Variants in SUFU observed in about 807,000 individuals in gnomAD.
The protein encoded by SUFU is suppressor of fused homolog.
A neutral mutation model predicts 58.9 loss-of-function variants in SUFU; 7 were observed. The observed-to-expected ratio is 0.12, with a 90% CI of 0.07 to 0.22. The LOEUF is 0.22. SUFU is among the 10% of genes least tolerant of loss of function. The pLI, the probability that SUFU is intolerant of heterozygous loss-of-function variation, is 1.00. For synonymous variants in SUFU, 232 were observed against 254.8 expected (o/e 0.91, Z 0.85); for missense variants, 451 against 641.3 (o/e 0.70, Z 3.20).
intron 8 of SUFU, among the ~76,000 whole-genome samples, chr10:102,608,552 G>A (rs2063586781): frequency 6.6e-6 from 1 of 152,176 alleles, no homozygotes; most frequent in African/African-American, 2.4e-5. Context: ...CCTGAAAAGT[G>A]TCTGTCTCAG....
intron 8 of SUFU, among the ~76,000 whole-genome samples, chr10:102,605,790 A>C (rs1380831470): frequency 6.6e-6 from 1 of 152,178 alleles, no homozygotes; most frequent in Non-Finnish European, 1.5e-5. Context: ...CTCCCAGGCA[A>C]GGGGCAGAAG....
At chr10:102,562,029 C>T (rs976371367) in intron 3 of SUFU, among the ~76,000 whole-genome samples, 5 of 152,164 alleles carry the variant, frequency 3.3e-5, no homozygotes, top group Admixed American at 3.3e-4. Context: ...CATCATGCTT[C>T]CTGTCTCTGA....
chr10:102,583,250 A>G (rs1399300957), intron 3 of SUFU, among the ~76,000 whole-genome samples: 1 of 152,216 alleles, frequency 6.6e-6, no homozygotes, highest in Admixed American at 6.5e-5. Context: ...AGAAGAGCTC[A>G]TAAGTCTAGT....
intron 3 of SUFU, among the ~76,000 whole-genome samples, chr10:102,563,240 G>A (rs992997934): frequency 6.6e-6 from 1 of 152,154 alleles, no homozygotes; most frequent in Admixed American, 6.5e-5. Context: ...CAAATGCTAG[G>A]TAAGCTGTGT....
rs7904134 is a variant in SUFU at position 102,539,881 on chromosome 10, T to C, written c.318-10089T>C. 5.1e-3 allele frequency among the ~76,000 whole-genome samples: 783 copies of C among 152,356 alleles called. 8 individuals carry two copies. The highest frequency in any genetic ancestry group is 0.017 in the African/African-American group (711 of 41,586). On this transcript the variant is annotated intron_variant, in intron 2 of 11. Coordinates refer to ENST00000369902, the MANE Select transcript of SUFU (RefSeq NM_016169.4). ...TCATGCGATTACAGATGCTGGCAAGTCCAAAATCTTTAGAGCCAGTGTCAC... is the reference window on the plus strand; with the variant it reads ...TCATGCGATTACAGATGCTGGCAAGCCCAAAATCTTTAGAGCCAGTGTCAC...
At chr10:102,607,695 C>T (rs930915119) in intron 8 of SUFU, among the ~76,000 whole-genome samples, 1 of 152,168 alleles carries the variant, frequency 6.6e-6, no homozygotes, top group African/African-American at 2.4e-5. Context: ...GTGCAGATCA[C>T]TTGAGGTCAG....
Position 102,629,962 on chromosome 10 carries a change from C to T in SUFU, c.1366-104C>T, listed in dbSNP as rs1290242502. On this transcript the variant is annotated intron_variant, in intron 11 of 11. Transcript: ENST00000369902. This position sits in a 1 kb window ranked among gnomAD's most constrained non-coding sequence, Gnocchi z 4.7. ...TGAAGCCACGCCTCCCGCGGCCTGTCCTATCCCTAGCTCCCCGGGGACAGG... is the reference window on the plus strand; with the variant it reads ...TGAAGCCACGCCTCCCGCGGCCTGTTCTATCCCTAGCTCCCCGGGGACAGG... The T allele has an allele frequency of 2.7e-6, 3 of 1,097,132 alleles. No homozygotes were observed. In the South Asian group the frequency reaches 3.7e-5, roughly 14 times the overall value. 68.0% of individuals were successfully genotyped at this position (1,097,132 alleles called of 1,614,324 possible).
At chr10:102,614,640 C>T (rs1215722100) in intron 8 of SUFU, among the ~76,000 whole-genome samples, 9 of 151,540 alleles carry the variant, frequency 5.9e-5, no homozygotes, top group Non-Finnish European at 1.3e-4. Context: ...CTTTGGGAGG[C>T]CAGGACGGGC....
In SUFU at chr10:102,630,094, C is replaced by T; in HGVS notation, c.1394C>T (p.Pro465Leu). The change falls in exon 12 of 12, where the codon CCT becomes CTT. Residue 465 changes from proline (P) to leucine (L), a missense_variant. Coordinates refer to ENST00000369902, the MANE Select transcript of SUFU (RefSeq NM_016169.4). ...AAACTTCCCAAAGAGTACAGCTGGC[C>T]TGAAAAGAAGCTGAAGGTCTCCATC... ...EFKLPKEYSW[P>L]EKKLKVSILP... 1 of 1,614,204 alleles carries T rather than the reference C, an allele frequency of 6.2e-7. No homozygotes were observed. The highest frequency in any genetic ancestry group is 8.5e-7 in the Non-Finnish European group (1 of 1,180,038).
intron 10 of SUFU, among the ~76,000 whole-genome samples, chr10:102,626,968 A>T (rs974722824): frequency 3.3e-5 from 5 of 151,026 alleles, no homozygotes; most frequent in Non-Finnish European, 7.4e-5. Flanking sequence ...CTTTCCTTCT[A>T]TGCCTCAGTC....
intron 8 of SUFU, among the ~76,000 whole-genome samples, chr10:102,605,576 A>G (rs995495837): frequency 1.3e-5 from 2 of 152,132 alleles, no homozygotes; most frequent in African/African-American, 4.8e-5. Flanking sequence ...TTACTCCTAT[A>G]TTGTCCTTAT....
intron 2 of SUFU, among the ~76,000 whole-genome samples, chr10:102,526,991 TTG>T (rs1223405224): frequency 1.6e-4 from 23 of 143,348 alleles, no homozygotes; most frequent in East Asian, 2.0e-4. Context: ...ATTATTATTA[TTG>T]TTTTTTTTTT....
At chr10:102,563,270 C>T (rs1437335003) in intron 3 of SUFU, among the ~76,000 whole-genome samples, 4 of 152,034 alleles carry the variant, frequency 2.6e-5, no homozygotes, top group Non-Finnish European at 5.9e-5. Flanking sequence ...TTTCCACTGC[C>T]GTTAGCTAGT....
In SUFU at chr10:102,543,752, C is replaced by T. The variant is rs192284438; in HGVS notation, c.318-6218C>T. ...ACAACATATGGTCTTTTGTGACTGGCTTTCTTCACTTAATGTAAGTGATAT... is the reference window on the plus strand; with the variant it reads ...ACAACATATGGTCTTTTGTGACTGGTTTTCTTCACTTAATGTAAGTGATAT... On this transcript the variant is annotated intron_variant, in intron 2 of 11. Coordinates refer to ENST00000369902, the MANE Select transcript of SUFU (RefSeq NM_016169.4). Among the ~76,000 whole-genome samples, 8 of 152,270 alleles carry T rather than the reference C, an allele frequency of 5.3e-5. No homozygotes were observed. The East Asian group carries it at 9.6e-4, about 18-fold the overall frequency.
chr10:102,518,659 A>G (rs2062505777), intron 2 of SUFU, among the ~76,000 whole-genome samples: 1 of 151,390 alleles, frequency 6.6e-6, no homozygotes, highest in African/African-American at 2.4e-5. Flanking sequence ...TCATCCTCCT[A>G]CCTCAACCTC....
chr10:102,553,051 G>A (rs1331039176), intron 3 of SUFU, among the ~76,000 whole-genome samples: 1 of 152,166 alleles, frequency 6.6e-6, no homozygotes, highest in Non-Finnish European at 1.5e-5. Context: ...TGTAGTTTGT[G>A]TCTGCAGATC....
chr10:102,610,928 T>A (rs1022632098), intron 8 of SUFU, among the ~76,000 whole-genome samples: 5 of 152,084 alleles, frequency 3.3e-5, no homozygotes, highest in African/African-American at 1.2e-4. Flanking sequence ...GAGTGCAGTG[T>A]GAGTTGGTAG....
rs2062678744 is a variant in SUFU, at chr10:102,531,646, T to C, written c.318-18324T>C. On this transcript the variant is annotated intron_variant, in intron 2 of 11. Transcript: ENST00000369902. The stretch of plus-strand genomic sequence containing the variant: ...GGAAGAAGTGATGAGAGCCCTCTCT[T>C]GGTCAGGGTCCCAAATAAGGGATTG... Among the ~76,000 whole-genome samples, 3 of 18,062 alleles carry C rather than the reference T, an allele frequency of 1.7e-4. No homozygotes were observed. The Admixed American group carries it at 2.2e-3, about 13-fold the overall frequency. 11.8% of individuals were successfully genotyped at this position (18,062 alleles called of 152,430 possible). A position where few individuals can be genotyped will look rare whatever the true frequency, so the allele number is the denominator to read the frequency against.
rs181037381 is a variant in SUFU at position 102,528,317 on chromosome 10, C to G, written c.317+19014C>G. Among the ~76,000 whole-genome samples the G allele has an allele frequency of 1.5e-4, 23 of 149,544 alleles. No homozygotes were observed. In the East Asian group the frequency reaches 4.4e-3, roughly 29 times the overall value. On this transcript the variant is annotated intron_variant, in intron 2 of 11. Transcript: ENST00000369902. ...TGGTACAATGGCTCACACCTGTAAT[C>G]CTAACACTTTGGGAGGCCGAGGTAG...
Sources: allele counts gnomAD v4.1 joint callset (sites outside exome capture counted in the v4.1 genomes callset), GRCh38; gene constraint gnomAD v4.1.1; non-coding constraint Gnocchi (gnomAD v3.1); transcripts MANE v1.5; gene names NCBI Gene and HGNC (gene_info 2026-07-23, HGNC 2026-07-21).